Variants in CDYL2 observed in about 807,000 individuals in gnomAD.
CDYL2 encodes chromodomain Y-like protein 2.
CDYL2 carries 23 observed loss-of-function variants against 49.4 expected under a neutral mutation model. That is an observed-to-expected ratio of 0.47 (90% CI 0.34 to 0.66). The LOEUF is 0.66. Ranked by LOEUF, CDYL2 falls within the 30% of genes least tolerant of loss-of-function variation. The probability of loss-of-function intolerance (pLI) is 0.01; values close to 1 mark genes in which losing one functional copy is unlikely to be tolerated. For synonymous variants in CDYL2, 360 were observed against 268.8 expected, an observed-to-expected ratio of 1.34 and a Z score of -3.32; for missense variants, 678 against 656.4, an observed-to-expected ratio of 1.03 and a Z score of -0.36.
chr16:80,678,993 T>G (rs1026457049), intron 2 of CDYL2, among the ~76,000 whole-genome samples: 1 of 150,720 alleles, frequency 6.6e-6, no homozygotes, highest in African/African-American at 2.5e-5. Flanking sequence ...ATCATCATTC[T>G]CAGTAAACTA....
intron 1 of CDYL2, among the ~76,000 whole-genome samples, chr16:80,699,123 T>G (rs1024260656): frequency 1.4e-4 from 22 of 152,076 alleles, no homozygotes; most frequent in African/African-American, 5.1e-4. Flanking sequence ...AACTAAAAAT[T>G]TAATATCATA....
At chr16:80,632,840 G>C (rs9940999) in intron 3 of CDYL2, 179 bp downstream of exon 3, 13,856 of 599,892 alleles carry the variant, frequency 0.023, 1,088 homozygotes, top group African/African-American at 0.2. Context: ...CGGTCATAAA[G>C]ATCAAATGGG....
At chr16:80,654,502 C>G (rs1424647067) in intron 2 of CDYL2, among the ~76,000 whole-genome samples, 2 of 152,226 alleles carry the variant, frequency 1.3e-5, no homozygotes, top group Non-Finnish European at 2.9e-5. Flanking sequence ...GGCAAGGCCA[C>G]TGGCACACTC....
intron 1 of CDYL2, among the ~76,000 whole-genome samples, chr16:80,761,776 C>T (rs1032552472): frequency 4.7e-5 from 7 of 149,150 alleles, no homozygotes; most frequent in African/African-American, 9.9e-5. Context: ...AATAAAAATA[C>T]AAAAGAAGAT....
intron 1 of CDYL2, among the ~76,000 whole-genome samples, chr16:80,758,790 C>G (rs552916298): frequency 1.3e-5 from 2 of 151,964 alleles, no homozygotes; most frequent in East Asian, 3.9e-4. Context: ...GATCCGCCCG[C>G]CTCTGCCTCC....
intron 2 of CDYL2, among the ~76,000 whole-genome samples, chr16:80,651,110 C>T (rs1908564082): frequency 6.6e-6 from 1 of 152,150 alleles, no homozygotes; most frequent in Non-Finnish European, 1.5e-5. Flanking sequence ...AAGAGTGTAA[C>T]TGGATTGTTT....
chr16:80,769,510 G>A (rs1473029177), intron 1 of CDYL2, among the ~76,000 whole-genome samples: 1 of 152,206 alleles, frequency 6.6e-6, no homozygotes, highest in Non-Finnish European at 1.5e-5. Flanking sequence ...CGACAGCCAA[G>A]TGGGTTAGAG....
At chr16:80,763,777 T>C (rs1190805728) in intron 1 of CDYL2, among the ~76,000 whole-genome samples, 1 of 152,250 alleles carries the variant, frequency 6.6e-6, no homozygotes, top group Non-Finnish European at 1.5e-5. Context: ...AAATGTTTAC[T>C]GAAGCATTAA....
At chr16:80,671,657 G>A (rs1026366306) in intron 2 of CDYL2, among the ~76,000 whole-genome samples, 1 of 152,220 alleles carries the variant, frequency 6.6e-6, no homozygotes, top group African/African-American at 2.4e-5. Context: ...TGAGCATGCA[G>A]AGAAAAAGCT....
intron 3 of CDYL2, chr16:80,628,260 C>T (rs968074974): frequency 1.1e-4 from 16 of 152,238 alleles, no homozygotes; most frequent in Admixed American, 7.8e-4. Context: ...GTAAATCCCA[C>T]CCTCAAGAGA....
At chr16:80,662,649 T>A (rs1460116724) in intron 2 of CDYL2, 21 of 438,078 alleles carry the variant, frequency 4.8e-5, no homozygotes, top group Non-Finnish European at 9.5e-5. Context: ...ATGAAAATGT[T>A]CAATATCTGC....
intron 2 of CDYL2, among the ~76,000 whole-genome samples, chr16:80,642,463 A>G (rs1427241487): frequency 6.6e-6 from 1 of 152,178 alleles, no homozygotes; most frequent in South Asian, 2.1e-4. Context: ...TATATTTATT[A>G]GTTTGTTATT....
chr16:80,606,700 G>C (rs542998886), intron 6 of CDYL2, among the ~76,000 whole-genome samples: 1 of 152,330 alleles, frequency 6.6e-6, no homozygotes, highest in South Asian at 2.1e-4. Context: ...TTGAATTGTA[G>C]CTCCCATAGT....
At position 80,600,483 on chromosome 16, in the gene CDYL2, A is replaced by C. The variant is rs1906034932; in HGVS notation, c.*3905T>G. 2 of 152,222 alleles carry C rather than the reference A, an allele frequency of 1.3e-5. No individual in the cohort carries two copies. Among genetic ancestry groups the C allele is most frequent in the South Asian group, 4.1e-4 (2 of 4,830 alleles). 9.4% of individuals were successfully genotyped at this position (152,222 alleles called of 1,614,324 possible). On this transcript the variant is annotated 3_prime_UTR_variant, in exon 7 of 7. Transcript: ENST00000570137. ...GACAACCCCAAATGGTTTCCCTTAA[A>C]TATCTACAAAGGCAAAGTGTAGATG...
In CDYL2 at chr16:80,758,838, G is replaced by A. The variant is rs112376869; in HGVS notation, c.24+45312C>T. 6.7e-3 allele frequency among the ~76,000 whole-genome samples: 1,009 copies of A among 151,132 alleles called. 10 individuals are homozygous for A. The highest frequency in any genetic ancestry group is 0.023 in the African/African-American group (943 of 41,248). On this transcript the variant is annotated intron_variant, in intron 1 of 6. Transcript: ENST00000570137. ...ATTACAGGCGTGAGCCACCACGCCC[G>A]GCCTGCTGCAGCACTTCTAATCATA... is the stretch of plus-strand genomic sequence containing the variant.
intron 2 of CDYL2, among the ~76,000 whole-genome samples, chr16:80,635,103 T>C (rs777078202): frequency 6.6e-6 from 1 of 152,164 alleles, no homozygotes; most frequent in African/African-American, 2.4e-5. Flanking sequence ...CATCAATGTA[T>C]AAAGGGAATT....
upstream of CDYL2, among the ~76,000 whole-genome samples, chr16:80,804,696 G>A (rs1288755177): frequency 6.8e-6 from 1 of 147,744 alleles, no homozygotes; most frequent in Non-Finnish European, 1.5e-5. Context: ...TCCCAGAGTC[G>A]ACTAGCGCTC....
At chr16:80,723,601 T>C (rs1905074504) in intron 1 of CDYL2, among the ~76,000 whole-genome samples, 1 of 152,198 alleles carries the variant, frequency 6.6e-6, no homozygotes, top group Admixed American at 6.5e-5. Flanking sequence ...TCCCCCATGT[T>C]CCTTAGGATA....
At chr16:80,750,088 G>A (rs942064788) in intron 1 of CDYL2, among the ~76,000 whole-genome samples, 1 of 151,958 alleles carries the variant, frequency 6.6e-6, no homozygotes, top group Non-Finnish European at 1.5e-5. Context: ...CCTGTTGTGG[G>A]GTGGGGGGAT....
Sources: allele counts gnomAD v4.1 joint callset (sites outside exome capture counted in the v4.1 genomes callset), GRCh38; gene constraint gnomAD v4.1.1; transcripts MANE v1.5; gene names NCBI Gene and HGNC (gene_info 2026-07-23, HGNC 2026-07-21).